The following NIBAN3 variants were observed in gnomAD, a reference collection of about 807,000 sequenced individuals.
The protein encoded by NIBAN3 is protein Niban 3.
A neutral mutation model predicts 76.4 loss-of-function variants in NIBAN3; 66 were observed. The ratio of observed to expected loss-of-function variants is 0.86; its 90% CI spans 0.71 to 1.06. The LOEUF (loss-of-function observed/expected upper bound fraction) is 1.06, where lower values mean the gene tolerates loss of function less well. NIBAN3 is among the 50% of genes least tolerant of loss of function. The probability of loss-of-function intolerance (pLI) is 0.00; values close to 1 mark genes in which losing one functional copy is unlikely to be tolerated. For missense variants in NIBAN3, 808 were observed against 810.7 expected (o/e 1.00, Z 0.04); for synonymous variants, 360 against 355.2 (o/e 1.01, Z -0.15).
At chr19:17,555,487 T>C (rs2076203800), downstream of NIBAN3, 1 of 276,448 alleles carries the variant, frequency 3.6e-6, no homozygotes, top group Non-Finnish European at 6.2e-6. Flanking sequence ...CTCCGAGCGC[T>C]ATGTGCCTTT....
At chr19:17,534,707 C>T (rs1324756210) in intron 4 of NIBAN3, among the ~76,000 whole-genome samples, 4 of 150,190 alleles carry the variant, frequency 2.7e-5, no homozygotes, top group Non-Finnish European at 5.9e-5. Context: ...AGGAGAATGG[C>T]GTGAACCCGG....
At chr19:17,545,712 T>G (rs188855242) in intron 12 of NIBAN3, 1 of 167,272 alleles carries the variant, frequency 6.0e-6, no homozygotes, top group Admixed American at 6.1e-5. Flanking sequence ...TCAGAGACTT[T>G]TAGTACTTTC....
chr19:17,543,430 G>C lies in NIBAN3; in HGVS notation c.1443G>C (p.Leu481=). The change falls in exon 11 of 15, where the codon CTG becomes CTC. Residue 481 remains leucine (L), a synonymous_variant. Coordinates refer to ENST00000599164, the MANE Select transcript of NIBAN3 (RefSeq NM_001321827.2). ...QRLERVRGRV[L]KKFKSDSGLA... is the part of the protein sequence containing the mutation. ...TGGAGAGAGTCAGGGGGCGCGTGCTGAAGGTGTGTTCTGTGGGTACGGGGT... is the reference window on the plus strand; with the variant it reads ...TGGAGAGAGTCAGGGGGCGCGTGCTCAAGGTGTGTTCTGTGGGTACGGGGT... The C allele has an allele frequency of 2.5e-6, 4 of 1,613,750 alleles. No individual in the cohort carries two copies. Among genetic ancestry groups the C allele is most frequent in the Non-Finnish European group, 3.4e-6 (4 of 1,179,646 alleles).
At chr19:17,529,673 C>G (rs1448053057) in intron 1 of NIBAN3, among the ~76,000 whole-genome samples, 2 of 152,144 alleles carry the variant, frequency 1.3e-5, no homozygotes, top group African/African-American at 2.4e-5. Flanking sequence ...TATGGGGACA[C>G]TTTTGGGTGT....
At chr19:17,536,720 C>G (rs1352333613) in intron 4 of NIBAN3, among the ~76,000 whole-genome samples, 1 of 152,146 alleles carries the variant, frequency 6.6e-6, no homozygotes, top group East Asian at 1.9e-4. Flanking sequence ...ATAAATTAAC[C>G]AAAGCTGAAT....
At chr19:17,550,642 G>C (rs1051502580) in intron 14 of NIBAN3, among the ~76,000 whole-genome samples, 2 of 152,138 alleles carry the variant, frequency 1.3e-5, no homozygotes, top group Non-Finnish European at 2.9e-5. Context: ...CTCTAGCCCG[G>C]GCCACAGAGA....
At chr19:17,555,280 A>C (rs1372794926), downstream of NIBAN3, among the ~76,000 whole-genome samples, 5 of 152,294 alleles carry the variant, frequency 3.3e-5, no homozygotes, top group South Asian at 1.0e-3. Flanking sequence ...CCCACGTTGC[A>C]GCAGAGGAAA....
chr19:17,553,146 A>T lies in NIBAN3; in HGVS notation c.*1248A>T. On this transcript the variant is annotated 3_prime_UTR_variant, in exon 15 of 15. Transcript: ENST00000599164. ...AGTTTTTTTTTTTTTAATTTCAGTG[A>T]ATTGCCTGTTCATAGCTTTTTTCTA... is the stretch of plus-strand genomic sequence containing the variant. 1.0e-6 allele frequency: 1 copy of T among 975,686 alleles called. No individual in the cohort carries two copies. Among genetic ancestry groups the T allele is most frequent in the Non-Finnish European group, 1.5e-6 (1 of 686,262 alleles). 60.4% of individuals were successfully genotyped at this position (975,686 alleles called of 1,614,324 possible).
chr19:17,533,556 C>T (rs2075770321), intron 3 of NIBAN3, 31 bp from the exon 4 acceptor site: 1 of 1,498,342 alleles, frequency 6.7e-7, no homozygotes, highest in Non-Finnish European at 9.3e-7. Context: ...TCAGACCTGT[C>T]CCAGGTTGGT....
intron 5 of NIBAN3, among the ~76,000 whole-genome samples, chr19:17,538,730 GC>G (rs957409960): frequency 6.4e-5 from 4 of 62,580 alleles, no homozygotes; most frequent in African/African-American, 1.9e-4. Flanking sequence ...AAGAAAGAAA[GC>G]AAGAAAGAAA....
At chr19:17,547,350 C>CTTG (rs2076076062) in intron 13 of NIBAN3, among the ~76,000 whole-genome samples, 2 of 62,700 alleles carry the variant, frequency 3.2e-5, no homozygotes, top group Non-Finnish European at 5.3e-5. Flanking sequence ...GAGACTATGT[C>CTTG]TTTTTTTTTT....
rs1313314447 is a variant in NIBAN3, at chr19:17,530,860, C to T, written c.161C>T (p.Thr54Ile). The T allele has an allele frequency of 6.2e-7, 1 of 1,613,418 alleles. No individual in the cohort carries two copies. The highest frequency in any genetic ancestry group is 1.1e-5 in the South Asian group (1 of 91,054). ...CGAGAGCTGGGCCCTCAGGAGCCGA[C>T]CGGAAGCCAGTTGCTACGCAGCAAA... ...ISRELGPQEP[T>I]GSQLLRSKKL... Residue 54 changes from threonine to isoleucine, a missense_variant, in exon 2 of 15, where the codon ACC becomes ATC. Transcript: ENST00000599164.
intron 1 of NIBAN3, 92 bp from the exon 2 acceptor site, chr19:17,530,663 C>T: frequency 2.3e-6 from 3 of 1,296,644 alleles, no homozygotes; most frequent in South Asian, 1.6e-5. Context: ...TACAGGAGCC[C>T]CCAGGTGGCT....
At chr19:17,545,040 G>A (rs562507327) in intron 12 of NIBAN3, among the ~76,000 whole-genome samples, 5 of 152,126 alleles carry the variant, frequency 3.3e-5, no homozygotes, top group Admixed American at 6.5e-5. Context: ...GTGCACGCCT[G>A]TAGTCCAAGC....
intron 10 of NIBAN3, among the ~76,000 whole-genome samples, 160 bp from the exon 11 acceptor site, chr19:17,543,157 A>G (rs913994294): frequency 6.6e-6 from 1 of 152,052 alleles, no homozygotes; most frequent in Non-Finnish European, 1.5e-5. Context: ...CCAGGTCCTG[A>G]GAGGAGGGGA....
At chr19:17,535,777 G>C (rs8102729) in intron 4 of NIBAN3, among the ~76,000 whole-genome samples, 83,344 of 150,048 alleles carry the variant, frequency 0.56, 24,665 homozygotes, top group Middle Eastern at 0.73. Context: ...GGTGGCTCAC[G>C]CCTGCAGTCT....
At chr19:17,538,744 AAGAG>A (rs1295774275) in intron 5 of NIBAN3, among the ~76,000 whole-genome samples, 1 of 25,212 alleles carries the variant, frequency 4.0e-5, no homozygotes, top group African/African-American at 1.1e-4. Context: ...GAAAGAAAGA[AAGAG>A]AAAGAAAGAA....
intron 13 of NIBAN3, 113 bp from the exon 14 acceptor site, chr19:17,549,331 C>T (rs1232166050): frequency 5.2e-6 from 4 of 763,764 alleles, no homozygotes; most frequent in Non-Finnish European, 6.6e-6. Flanking sequence ...TCTATGTGAG[C>T]CACCTCTTTA....
chr19:17,553,840 T>A, downstream of NIBAN3: 2 of 290,444 alleles, frequency 6.9e-6, no homozygotes, highest in Non-Finnish European at 1.3e-5. Flanking sequence ...CCTTTCCTCA[T>A]CAAGTCCACA....
Sources: allele counts gnomAD v4.1 joint callset (sites outside exome capture counted in the v4.1 genomes callset), GRCh38; gene constraint gnomAD v4.1.1; transcripts MANE v1.5; gene names NCBI Gene and HGNC (gene_info 2026-07-23, HGNC 2026-07-21).